Variants in IL1RAPL1 observed in about 807,000 individuals in gnomAD.
IL1RAPL1 encodes the protein interleukin 1 receptor accessory protein like 1, also known as interleukin-1 receptor accessory protein-like 1.
IL1RAPL1 carries 3 observed loss-of-function variants against 48.4 expected under a neutral mutation model. The observed-to-expected ratio is 0.06, with a 90% CI of 0.03 to 0.16. The LOEUF is 0.16. Ranked by LOEUF, IL1RAPL1 falls within the 10% of genes least tolerant of loss-of-function variation. The probability of loss-of-function intolerance (pLI) is 1.00; values close to 1 mark genes in which losing one functional copy is unlikely to be tolerated. For synonymous variants in IL1RAPL1, 185 were observed against 187.7 expected (o/e 0.99, Z 0.12); for missense variants, 349 against 530.6 (o/e 0.66, Z 3.36).
chrX:29,028,654 G>A (rs1389081084), intron 2 of IL1RAPL1, among the ~76,000 whole-genome samples: 1 of 111,222 alleles, frequency 9.0e-6, no homozygotes, highest in Admixed American at 9.6e-5. Flanking sequence ...TGGCATATTT[G>A]TATTTCTGTC....
intron 1 of IL1RAPL1, among the ~76,000 whole-genome samples, chrX:28,733,223 A>T (rs1010752011): frequency 8.1e-5 from 9 of 111,341 alleles, no homozygotes; most frequent in African/African-American, 2.6e-4. Context: ...CAATGTTAAC[A>T]GTAATTATAT....
chrX:28,668,934 A>C (rs764987434), intron 1 of IL1RAPL1, among the ~76,000 whole-genome samples: 13 of 111,906 alleles, frequency 1.2e-4, no homozygotes, highest in East Asian at 5.6e-4. Context: ...CATTTCAATA[A>C]AATAAGGATA....
At chrX:28,860,492 C>A (rs1187105778) in intron 2 of IL1RAPL1, among the ~76,000 whole-genome samples, 55 of 98,374 alleles carry the variant, frequency 5.6e-4, no homozygotes, top group Non-Finnish European at 9.6e-4. Flanking sequence ...AGTTTTTGCT[C>A]TTGTTTCCAG....
chrX:29,274,725 G>A lies in IL1RAPL1; in HGVS notation c.83-8213G>A, dbSNP rs1460596279. On this transcript the variant is annotated intron_variant, in intron 2 of 10. Coordinates refer to ENST00000378993, the MANE Select transcript of IL1RAPL1 (RefSeq NM_014271.4). ...AACACCTGTAATGAAGGCAGAAAAT[G>A]TGTAGTAAGCTAACAAACAAGACTT... Among the ~76,000 whole-genome samples the A allele has an allele frequency of 2.7e-5, 3 of 111,872 alleles. No homozygotes were observed. In the East Asian group the frequency reaches 8.4e-4, roughly 31 times the overall value.
chrX:29,333,754 G>T (rs1932923934), intron 3 of IL1RAPL1, among the ~76,000 whole-genome samples: 1 of 85,282 alleles, frequency 1.2e-5, no homozygotes, highest in Non-Finnish European at 2.4e-5. Flanking sequence ...GGCCGGGTGG[G>T]GGCTGACCCC....
chrX:29,126,590 A>G (rs186226273), intron 2 of IL1RAPL1, among the ~76,000 whole-genome samples: 282 of 112,291 alleles, frequency 2.5e-3, no homozygotes, highest in Non-Finnish European at 4.0e-3. Flanking sequence ...ATGCCCACCT[A>G]TGAACAGAAC....
At chrX:29,391,767 T>C (rs956752718) in intron 3 of IL1RAPL1, among the ~76,000 whole-genome samples, 19 of 111,917 alleles carry the variant, frequency 1.7e-4, no homozygotes, top group African/African-American at 5.5e-4. Context: ...TATAGGTATA[T>C]AGCGTCTATG....
intron 2 of IL1RAPL1, among the ~76,000 whole-genome samples, chrX:29,057,238 A>G (rs1179957220): frequency 9.0e-6 from 1 of 111,143 alleles, no homozygotes; most frequent in Non-Finnish European, 1.9e-5. Flanking sequence ...CTTTTGATTT[A>G]TAGCTTATTT....
intron 1 of IL1RAPL1, among the ~76,000 whole-genome samples, chrX:28,657,839 T>C (rs1014509591): frequency 2.7e-5 from 3 of 112,004 alleles, no homozygotes; most frequent in Non-Finnish European, 5.6e-5. Flanking sequence ...ATCTAAAGAA[T>C]TGGAGTTTAG....
chrX:29,532,284 C>T (rs187737795), intron 5 of IL1RAPL1, among the ~76,000 whole-genome samples: 9 of 111,716 alleles, frequency 8.1e-5, no homozygotes, highest in Admixed American at 5.7e-4. Flanking sequence ...AGGTAGAAAG[C>T]GTGAGCTAAG....
chrX:29,244,939 C>T (rs1051976641), intron 2 of IL1RAPL1, among the ~76,000 whole-genome samples: 22 of 109,552 alleles, frequency 2.0e-4, no homozygotes, highest in African/African-American at 2.7e-4. Flanking sequence ...CCCCACCCCC[C>T]GACAGGCCCT....
At chrX:29,607,039 A>T (rs1368196715) in intron 5 of IL1RAPL1, among the ~76,000 whole-genome samples, 1 of 112,123 alleles carries the variant, frequency 8.9e-6, no homozygotes, top group African/African-American at 3.2e-5. Context: ...TAAGGAAGAA[A>T]TTCAGAAAAT....
At chrX:28,685,793 T>A (rs1238695759) in intron 1 of IL1RAPL1, among the ~76,000 whole-genome samples, 1 of 112,142 alleles carries the variant, frequency 8.9e-6, no homozygotes, top group East Asian at 2.8e-4. Flanking sequence ...TGCATAATAC[T>A]TTTTTAGGAA....
intron 2 of IL1RAPL1, among the ~76,000 whole-genome samples, chrX:29,014,888 T>C (rs138273810): frequency 3.6e-5 from 4 of 111,723 alleles, no homozygotes; most frequent in African/African-American, 1.3e-4. Flanking sequence ...AATATTTAAA[T>C]CTTTGGAGTC....
intron 6 of IL1RAPL1, among the ~76,000 whole-genome samples, chrX:29,904,377 T>TTTAAG (rs2147228769): frequency 9.0e-6 from 1 of 111,500 alleles, no homozygotes; most frequent in South Asian, 3.8e-4. Flanking sequence ...ATTTTAATTT[T>TTTAAG]TTAAGTTCTG....
chrX:28,595,261 G>A (rs1311484315), intron 1 of IL1RAPL1, among the ~76,000 whole-genome samples: 2 of 112,521 alleles, frequency 1.8e-5, no homozygotes, highest in African/African-American at 3.2e-5. Flanking sequence ...TGGTGTGTGT[G>A]TGTGTATCCT....
chrX:29,042,111 C>G (rs1003656861), intron 2 of IL1RAPL1, among the ~76,000 whole-genome samples: 3 of 111,995 alleles, frequency 2.7e-5, no homozygotes, highest in African/African-American at 9.7e-5. Flanking sequence ...TTTACCCCTA[C>G]TAGCTGGAGC....
chrX:28,784,493 G>A (rs904807945), intron 1 of IL1RAPL1, among the ~76,000 whole-genome samples: 3 of 111,696 alleles, frequency 2.7e-5, no homozygotes, highest in African/African-American at 9.8e-5. Flanking sequence ...ATAAAGACAA[G>A]TATTTTATTT....
intron 2 of IL1RAPL1, among the ~76,000 whole-genome samples, chrX:29,006,759 T>C (rs1357137065): frequency 9.2e-6 from 1 of 108,414 alleles, no homozygotes; most frequent in African/African-American, 3.4e-5. Context: ...CAGGAAGATA[T>C]CTAGAATCTA....
Sources: gnomAD v4.1 joint callset for allele counts (sites outside exome capture counted in the v4.1 genomes callset) on GRCh38, gnomAD v4.1.1 for gene constraint, MANE v1.5 for transcripts, NCBI Gene and HGNC (gene_info 2026-07-23, HGNC 2026-07-21) for gene names.